Variants in ROBO2 observed in about 807,000 individuals in gnomAD.
ROBO2 encodes the protein roundabout homolog 2.
Under a neutral mutation model 160.8 loss-of-function variants are expected in ROBO2, and 53 were observed. That is an observed-to-expected ratio of 0.33 (90% CI 0.26 to 0.41). ROBO2 has a LOEUF of 0.41. Ranked by LOEUF, ROBO2 falls within the 10% of genes least tolerant of loss-of-function variation. ROBO2 has a pLI of 1.00. For synonymous variants in ROBO2, 664 were observed against 611.7 expected (o/e 1.09, Z -1.26); for missense variants, 1,577 against 1,722.4 (o/e 0.92, Z 1.49).
chr3:76,970,149 T>C (rs1390014412), intron 2 of ROBO2, among the ~76,000 whole-genome samples: 1 of 152,158 alleles, frequency 6.6e-6, no homozygotes, highest in Non-Finnish European at 1.5e-5. Flanking sequence ...ATTTCTGCTG[T>C]GACTGGCCAC....
At chr3:76,523,261 T>C (rs1341566867) in intron 2 of ROBO2, among the ~76,000 whole-genome samples, 5 of 151,982 alleles carry the variant, frequency 3.3e-5, no homozygotes, top group African/African-American at 1.2e-4. Context: ...ATTTTATTTG[T>C]AGTGTGGATT....
intron 2 of ROBO2, among the ~76,000 whole-genome samples, chr3:77,333,088 A>C (rs544696970): frequency 1.7e-3 from 257 of 152,308 alleles, no homozygotes; most frequent in African/African-American, 6.0e-3. Context: ...CTGTCTCCCT[A>C]AAAAGAATTA....
chr3:76,657,670 A>G (rs1049661226), intron 2 of ROBO2, among the ~76,000 whole-genome samples: 5 of 116,260 alleles, frequency 4.3e-5, no homozygotes, highest in African/African-American at 1.9e-4. Context: ...ATATATGTGT[A>G]TATATATACA....
At chr3:77,617,461 T>G in intron 21 of ROBO2, 52 bp from the exon 23 acceptor site, 1 of 1,600,874 alleles carries the variant, frequency 6.2e-7, no homozygotes, top group Non-Finnish European at 8.6e-7. Context: ...TGTGTGCATG[T>G]ATGTGTATAT....
exon 26 of ROBO2, chr3:77,646,099 G>A (rs1422970886): frequency 2.0e-6 from 3 of 1,536,004 alleles, no homozygotes; most frequent in African/African-American, 2.7e-5. Context: ...GGACCATCAG[G>A]TCCGGACTCA....
chr3:77,011,081 C>CTTTCTT (rs1382932242), intron 2 of ROBO2, among the ~76,000 whole-genome samples: 2 of 133,080 alleles, frequency 1.5e-5, no homozygotes, highest in Non-Finnish European at 3.2e-5. Context: ...TTCTTTCTTT[C>CTTTCTT]TTTCTTTTTC....
rs547398510 is a variant in ROBO2 at position 76,280,322 on chromosome 3, C to T, written c.109+342720C>T. Among the ~76,000 whole-genome samples the T allele has an allele frequency of 1.4e-3, 218 of 151,976 alleles. 1 individual carries two copies. The highest frequency in any genetic ancestry group is 4.9e-3 in the African/African-American group (203 of 41,482). ...TGACTGTATCTGGAGATAGGGTCTT[C>T]AGGAAGTAATTAAGGTTAAATGAAT... On this transcript the variant is annotated intron_variant, in intron 2 of 26. Transcript: ENST00000487694.
intron 2 of ROBO2, among the ~76,000 whole-genome samples, chr3:76,355,024 T>TTATGTGTATGTG (rs59312253): frequency 2.4e-4 from 37 of 151,076 alleles, no homozygotes; most frequent in African/African-American, 9.0e-4. Context: ...ATGTGTATGT[T>TTATGTGTATGTG]TATGTGTATG....
chr3:77,623,310 A>G (rs971070703), intron 23 of ROBO2, among the ~76,000 whole-genome samples: 1 of 152,114 alleles, frequency 6.6e-6, no homozygotes, highest in African/African-American at 2.4e-5. Context: ...TTCTCAGAAG[A>G]CCACTCATAT....
intron 2 of ROBO2, among the ~76,000 whole-genome samples, chr3:77,210,029 TTA>T (rs1270101869): frequency 7.2e-5 from 11 of 152,152 alleles, no homozygotes; most frequent in African/African-American, 2.7e-4. Flanking sequence ...AATCTTTACA[TTA>T]TAAATTAGGC....
At chr3:77,490,099 CTTTTT>C (rs753903306) in intron 4 of ROBO2, among the ~76,000 whole-genome samples, 2 of 126,660 alleles carry the variant, frequency 1.6e-5, no homozygotes, top group African/African-American at 5.9e-5. Context: ...TTGTATTTTA[CTTTTT>C]TTTTTTTTTT....
At chr3:77,053,427 C>T (rs896545560) in intron 1 of ROBO2, among the ~76,000 whole-genome samples, 1 of 152,066 alleles carries the variant, frequency 6.6e-6, no homozygotes, top group Non-Finnish European at 1.5e-5. Context: ...AATATGAGAA[C>T]AAACAACATG....
At chr3:76,828,355 T>G (rs1374211419) in intron 2 of ROBO2, among the ~76,000 whole-genome samples, 1 of 152,100 alleles carries the variant, frequency 6.6e-6, no homozygotes, top group South Asian at 2.1e-4. Context: ...AGTTAATTGA[T>G]TTAATAATAT....
At chr3:77,460,625 A>T (rs2082142263) in intron 2 of ROBO2, among the ~76,000 whole-genome samples, 1 of 152,212 alleles carries the variant, frequency 6.6e-6, no homozygotes, top group Non-Finnish European at 1.5e-5. Flanking sequence ...ACAAGGTAAA[A>T]AACACACATT....
At chr3:75,953,061 G>A (rs1175350756) in intron 2 of ROBO2, among the ~76,000 whole-genome samples, 1 of 151,800 alleles carries the variant, frequency 6.6e-6, no homozygotes, top group Non-Finnish European at 1.5e-5. Context: ...CATGAATAAG[G>A]CTCCTATAAC....
chr3:76,747,390 G>A (rs115133024), intron 2 of ROBO2, among the ~76,000 whole-genome samples: 2,092 of 152,020 alleles, frequency 0.014, 53 homozygotes, highest in African/African-American at 0.048. Flanking sequence ...ATCTTTCATA[G>A]AATTTTAACT....
chr3:76,595,506 G>C (rs2086680660), intron 2 of ROBO2, among the ~76,000 whole-genome samples: 1 of 151,846 alleles, frequency 6.6e-6, no homozygotes, highest in Non-Finnish European at 1.5e-5. Flanking sequence ...ATAAAAAACA[G>C]ACTTTTCAAA....
intron 1 of ROBO2, among the ~76,000 whole-genome samples, chr3:77,041,968 C>T (rs1177853412): frequency 2.6e-5 from 4 of 152,202 alleles, no homozygotes; most frequent in Admixed American, 2.0e-4. Flanking sequence ...TTATTTGGGA[C>T]ACTGCCTATT....
chr3:76,539,016 A>C (rs1352451783), intron 2 of ROBO2, among the ~76,000 whole-genome samples: 1 of 152,296 alleles, frequency 6.6e-6, no homozygotes, highest in Non-Finnish European at 1.5e-5. Context: ...ATGTGGCCAT[A>C]AAAAACAATG....
Sources: allele counts gnomAD v4.1 joint callset (sites outside exome capture counted in the v4.1 genomes callset), GRCh38; gene constraint gnomAD v4.1.1; transcripts MANE v1.5; gene names NCBI Gene and HGNC (gene_info 2026-07-23, HGNC 2026-07-21).